Variants in PDGFD observed in about 807,000 individuals in gnomAD.
PDGFD encodes the protein platelet-derived growth factor D.
A neutral mutation model predicts 44.7 loss-of-function variants in PDGFD; 30 were observed. That is an observed-to-expected ratio of 0.67 (90% CI 0.50 to 0.91). The LOEUF is 0.91. Ranked by LOEUF, PDGFD falls within the 40% of genes least tolerant of loss-of-function variation. The pLI is 0.00. For synonymous variants in PDGFD, 173 were observed against 168.4 expected (o/e 1.03, Z -0.21); for missense variants, 445 against 457.8 (o/e 0.97, Z 0.25).
intron 1 of PDGFD, among the ~76,000 whole-genome samples, chr11:104,128,677 C>A (rs1217659233): frequency 6.6e-6 from 1 of 152,118 alleles, no homozygotes; most frequent in Non-Finnish European, 1.5e-5. Flanking sequence ...GGAATTCTGG[C>A]CTCTTACTTG....
chr11:103,960,655 T>C (rs150900310), intron 3 of PDGFD, among the ~76,000 whole-genome samples: 248 of 152,330 alleles, frequency 1.6e-3, no homozygotes, highest in African/African-American at 5.1e-3. Flanking sequence ...AGTTTTTTAA[T>C]GGCTTACCAT....
chr11:104,156,992 C>A (rs1862316786), intron 1 of PDGFD, among the ~76,000 whole-genome samples: 1 of 152,118 alleles, frequency 6.6e-6, no homozygotes, highest in South Asian at 2.1e-4. Context: ...TGAAACCATC[C>A]CTCACATAGA....
At chr11:104,112,833 G>C (rs1261189405) in intron 1 of PDGFD, among the ~76,000 whole-genome samples, 1 of 152,010 alleles carries the variant, frequency 6.6e-6, no homozygotes, top group East Asian at 1.9e-4. Context: ...AGAATACATG[G>C]ACACACATGC....
At chr11:103,926,874 G>C (rs1858323148) in intron 6 of PDGFD, 38 bp downstream of exon 6, 1 of 1,572,754 alleles carries the variant, frequency 6.4e-7, no homozygotes, top group African/African-American at 1.4e-5. Context: ...GAATCCTATA[G>C]ATTAAGCATT....
chr11:103,943,943 T>A (rs1858632259), intron 4 of PDGFD, among the ~76,000 whole-genome samples: 1 of 152,116 alleles, frequency 6.6e-6, no homozygotes. Flanking sequence ...TAGAAATATA[T>A]AAAATTAAGT....
intron 5 of PDGFD, among the ~76,000 whole-genome samples, chr11:103,932,149 T>G (rs576045273): frequency 1.3e-5 from 2 of 152,342 alleles, no homozygotes; most frequent in East Asian, 3.9e-4. Flanking sequence ...TTTTGTTTTC[T>G]TTGCAGATAG....
At chr11:103,966,372 C>T (rs186781547) in intron 3 of PDGFD, among the ~76,000 whole-genome samples, 1 of 152,198 alleles carries the variant, frequency 6.6e-6, no homozygotes, top group East Asian at 1.9e-4. Context: ...GTTATTCAGC[C>T]AATGCATATA....
intron 2 of PDGFD, 61 bp from the exon 3 acceptor site, chr11:103,996,306 T>C (rs1270420561): frequency 4.3e-6 from 6 of 1,383,788 alleles, no homozygotes; most frequent in African/African-American, 1.5e-5. Flanking sequence ...AATTCATACT[T>C]TCACTGAGAA....
intron 3 of PDGFD, among the ~76,000 whole-genome samples, chr11:103,994,843 T>C (rs1342336720): frequency 6.6e-6 from 1 of 151,908 alleles, no homozygotes; most frequent in African/African-American, 2.4e-5. Context: ...ACTCAGTTAT[T>C]GTGTCTTGTT....
chr11:103,935,405 G>A (rs1187993116), intron 5 of PDGFD, among the ~76,000 whole-genome samples: 2 of 152,108 alleles, frequency 1.3e-5, no homozygotes, highest in Non-Finnish European at 2.9e-5. Context: ...GGCAAACAGA[G>A]TAAGTGAGGC....
At chr11:104,136,090 C>T (rs1861999493) in intron 1 of PDGFD, among the ~76,000 whole-genome samples, 2 of 152,054 alleles carry the variant, frequency 1.3e-5, no homozygotes, top group African/African-American at 4.8e-5. Flanking sequence ...ACAGGGATTC[C>T]ACACAGGGGC....
At chr11:104,126,716 G>T (rs887755475) in intron 1 of PDGFD, among the ~76,000 whole-genome samples, 4 of 152,030 alleles carry the variant, frequency 2.6e-5, no homozygotes, top group African/African-American at 7.2e-5. Flanking sequence ...ACAGTTCTCT[G>T]CTAGCAGAGG....
intron 6 of PDGFD, among the ~76,000 whole-genome samples, chr11:103,924,798 G>C (rs1239140043): frequency 6.6e-6 from 1 of 152,136 alleles, no homozygotes; most frequent in Non-Finnish European, 1.5e-5. Flanking sequence ...CTATTCCTTT[G>C]TTGTGGTGGA....
At chr11:104,155,709 T>C (rs1326203696) in intron 1 of PDGFD, among the ~76,000 whole-genome samples, 1 of 152,220 alleles carries the variant, frequency 6.6e-6, no homozygotes, top group Non-Finnish European at 1.5e-5. Flanking sequence ...TGTTGCATAT[T>C]GGTTAGTTCA....
At chr11:103,916,221 CGAA>C (rs1238331187) in intron 6 of PDGFD, among the ~76,000 whole-genome samples, 1 of 151,982 alleles carries the variant, frequency 6.6e-6, no homozygotes, top group Non-Finnish European at 1.5e-5. Context: ...CCAGAATCTA[CGAA>C]GAACTTAAAC....
chr11:103,973,138 CTTTT>C (rs555810765), intron 3 of PDGFD, among the ~76,000 whole-genome samples: 2 of 134,406 alleles, frequency 1.5e-5, no homozygotes, highest in Non-Finnish European at 1.6e-5. Flanking sequence ...AAAGTGGTCA[CTTTT>C]TTTTTTTTTT....
intron 1 of PDGFD, among the ~76,000 whole-genome samples, chr11:104,043,724 A>G (rs1320018021): frequency 6.6e-6 from 1 of 152,244 alleles, no homozygotes; most frequent in South Asian, 2.1e-4. Flanking sequence ...ACAAAGAGGG[A>G]GCAGACATGT....
Position 104,104,501 on chromosome 11 carries a change from T to G in PDGFD, c.124+59303A>C, listed in dbSNP as rs946945337. On this transcript the variant is annotated intron_variant, in intron 1 of 6. Transcript: ENST00000393158. ...GTATATCTTTTACAATATATTTTTA[T>G]TATACCTCTCCTATGTTTAGATACA... Among the ~76,000 whole-genome samples the G allele has an allele frequency of 1.3e-5, 2 of 152,140 alleles. 1 individual carries two copies. Among genetic ancestry groups the G allele is most frequent in the South Asian group, 4.2e-4 (2 of 4,814 alleles).
chr11:104,086,060 C>A lies in PDGFD; in HGVS notation c.124+77744G>T, dbSNP rs1418988602. ...CTTTACTACCTTTTGAAAGATCGCG[C>A]CTCTGACTTCTATGTGTGTAATGAA... On this transcript the variant is annotated intron_variant, in intron 1 of 6. Coordinates refer to ENST00000393158, the MANE Select transcript of PDGFD (RefSeq NM_025208.5). Among the ~76,000 whole-genome samples the A allele has an allele frequency of 2.0e-5, 3 of 152,098 alleles. No homozygotes were observed. In the East Asian group the frequency reaches 5.8e-4, roughly 29 times the overall value.
Sources: gnomAD v4.1 joint callset for allele counts (sites outside exome capture counted in the v4.1 genomes callset) on GRCh38, gnomAD v4.1.1 for gene constraint, MANE v1.5 for transcripts, NCBI Gene and HGNC (gene_info 2026-07-23, HGNC 2026-07-21) for gene names.